The following HNRNPM variants were observed in gnomAD, a reference collection of about 807,000 sequenced individuals.
HNRNPM encodes the protein CEA receptor.
Under a neutral mutation model 73.1 loss-of-function variants are expected in HNRNPM, and 11 were observed. The observed-to-expected ratio is 0.15, with a 90% CI of 0.09 to 0.25. HNRNPM has a LOEUF of 0.25. Among genes scored for constraint, HNRNPM ranks in the 10% least tolerant of loss-of-function variants. The pLI, the probability that HNRNPM is intolerant of heterozygous loss-of-function variation, is 1.00. For missense variants in HNRNPM, 789 were observed against 1,067.9 expected (o/e 0.74, Z 3.64); for synonymous variants, 407 against 355.2 (o/e 1.15, Z -1.64).
chr19:8,478,930 A>T (rs752375085), intron 12 of HNRNPM, among the ~76,000 whole-genome samples: 5 of 152,136 alleles, frequency 3.3e-5, no homozygotes, highest in Non-Finnish European at 7.4e-5. Context: ...GCACTTGCTG[A>T]TGCCTTTGAC....
intron 7 of HNRNPM, among the ~76,000 whole-genome samples, chr19:8,466,793 A>G (rs1465978919): frequency 1.5e-5 from 2 of 130,938 alleles, no homozygotes; most frequent in African/African-American, 5.6e-5. Flanking sequence ...GCCACTGCAC[A>G]CCACCAGCCT....
intron 7 of HNRNPM, 66 bp from the exon 8 acceptor site, chr19:8,467,469 T>A (rs1969834122): frequency 3.3e-6 from 4 of 1,228,764 alleles, no homozygotes; most frequent in Non-Finnish European, 4.8e-6. Context: ...GTATTTTTCT[T>A]TCTTTTTGTA....
intron 1 of HNRNPM, among the ~76,000 whole-genome samples, chr19:8,446,243 T>A (rs1325345071): frequency 6.6e-6 from 1 of 152,214 alleles, no homozygotes; most frequent in African/African-American, 2.4e-5. Context: ...TAACCGTCAC[T>A]GCTTCATGTC....
At chr19:8,453,369 G>C (rs1968764885) in intron 1 of HNRNPM, among the ~76,000 whole-genome samples, 1 of 152,050 alleles carries the variant, frequency 6.6e-6, no homozygotes, top group Non-Finnish European at 1.5e-5. Context: ...TTGAACTCCT[G>C]ACCTCAAGTG....
chr19:8,473,248 CAAAA>C (rs201076499), intron 10 of HNRNPM, among the ~76,000 whole-genome samples: 4 of 151,042 alleles, frequency 2.6e-5, no homozygotes, highest in South Asian at 2.1e-4. Context: ...GTCTCAAAAA[CAAAA>C]AAAACACAAA....
In HNRNPM at chr19:8,485,994, C is replaced by T. The variant is rs376025950; in HGVS notation, c.1566C>T (p.Ile522=). ...GCGTGGAGCGCATGGGCCCTGCCATCGAGCGCATGGGCCTGAGCATGGAGC... is the reference window on the plus strand; with the variant it reads ...GCGTGGAGCGCATGGGCCCTGCCATTGAGCGCATGGGCCTGAGCATGGAGC... ...GSGVERMGPA[I]ERMGLSMERM... is the part of the protein sequence containing the mutation. The change falls in exon 14 of 16, where the codon ATC becomes ATT. Residue 522 remains isoleucine (I), a synonymous_variant. Transcript: ENST00000325495. 34 of 1,601,780 alleles carry T rather than the reference C, an allele frequency of 2.1e-5. No individual in the cohort carries two copies. The highest frequency in any genetic ancestry group is 2.0e-4 in the African/African-American group (15 of 74,316).
chr19:8,478,589 GTTT>G (rs562193200), intron 12 of HNRNPM, among the ~76,000 whole-genome samples: 1 of 151,998 alleles, frequency 6.6e-6, no homozygotes, highest in Non-Finnish European at 1.5e-5. Context: ...GAGTCAGCTG[GTTT>G]TTTTTAAGCT....
chr19:8,451,525 C>T (rs1479428723), intron 1 of HNRNPM, among the ~76,000 whole-genome samples: 2 of 135,512 alleles, frequency 1.5e-5, no homozygotes, highest in Non-Finnish European at 3.2e-5. Flanking sequence ...TTGAATATGT[C>T]CCTCCCCTTC....
chr19:8,478,955 C>T (rs74601538), intron 12 of HNRNPM, among the ~76,000 whole-genome samples: 6,097 of 152,080 alleles, frequency 0.04, 263 homozygotes, highest in African/African-American at 0.11. Flanking sequence ...GCATCTAGAC[C>T]GACTAGAGAG....
At chr19:8,451,383 C>T (rs571062481) in intron 1 of HNRNPM, among the ~76,000 whole-genome samples, 7 of 152,174 alleles carry the variant, frequency 4.6e-5, no homozygotes, top group South Asian at 2.1e-4. Flanking sequence ...TTTATATGTA[C>T]GTATACATAT....
chr19:8,470,747 C>A (rs1970072081), intron 9 of HNRNPM, among the ~76,000 whole-genome samples: 1 of 152,168 alleles, frequency 6.6e-6, no homozygotes, highest in South Asian at 2.1e-4. Context: ...ATTTCTGTGT[C>A]CCTGTCTGTG....
rs141450445 is a variant in HNRNPM, at chr19:8,475,511, C to G, written c.1120+1267C>G. Reference sequence around the variant, plus strand: ...ATGGTACAAGGACAGACATCATTGTCAGGCTTGAAAGGCGGCTGTCCCTGA... The same window carrying G: ...ATGGTACAAGGACAGACATCATTGTGAGGCTTGAAAGGCGGCTGTCCCTGA... On this transcript the variant is annotated intron_variant, in intron 12 of 15. Transcript: ENST00000325495. Among the ~76,000 whole-genome samples, 868 of 152,280 alleles carry G rather than the reference C, an allele frequency of 5.7e-3. 12 individuals carry two copies. The highest frequency in any genetic ancestry group is 0.02 in the African/African-American group (828 of 41,556).
rs963541993 is a variant in HNRNPM, at chr19:8,479,967, G to A, written c.1121-3191G>A. Among the ~76,000 whole-genome samples, 10 of 148,622 alleles carry A rather than the reference G, an allele frequency of 6.7e-5. No individual in the cohort carries two copies. The South Asian group carries it at 2.1e-3, about 32-fold the overall frequency. ...TTTTTTGTATTTTTGTAGAGATGGG[G>A]TTTCACCATCTTGGCCAGGCTGGTC... On this transcript the variant is annotated intron_variant, in intron 12 of 15. Transcript: ENST00000325495.
In HNRNPM at chr19:8,473,684, G is replaced by A. The variant is rs751687668; in HGVS notation, c.1018G>A (p.Gly340Arg). The change falls in exon 11 of 16, where the codon GGA becomes AGA. Residue 340 changes from glycine to arginine, a missense_variant. This residue lies in a region of HNRNPM where 604 missense variants were observed against 744.0 expected (regional missense o/e 0.81). Transcript: ENST00000325495. ...GPAGMGMEGI[G>R]FGINKMGGME... ...TTAAGGAATGGGAATGGAAGGCATA[G>A]GATTTGGAATAAATAAAATGGGAGG... 4.4e-6 allele frequency: 7 copies of A among 1,576,000 alleles called. No individual in the cohort carries two copies. Among genetic ancestry groups the A allele is most frequent in the African/African-American group, 1.4e-5 (1 of 74,036 alleles).
rs575620059 is a variant in HNRNPM, at chr19:8,480,204, C to T, written c.1121-2954C>T. Among the ~76,000 whole-genome samples the T allele has an allele frequency of 5.2e-3, 785 of 150,102 alleles. 3 individuals are homozygous for T. Among genetic ancestry groups the T allele is most frequent in the Non-Finnish European group, 9.5e-3 (636 of 67,300 alleles). On this transcript the variant is annotated intron_variant, in intron 12 of 15. Coordinates refer to ENST00000325495, the MANE Select transcript of HNRNPM (RefSeq NM_005968.5). ...CAGCCTGGCCAATGTGGTGAAACCC[C>T]GTCTCTACTAAAAATACAAAAATTA... is the stretch of plus-strand genomic sequence containing the variant.
intron 1 of HNRNPM, among the ~76,000 whole-genome samples, chr19:8,450,331 T>C (rs1968516967): frequency 6.6e-6 from 1 of 152,230 alleles, no homozygotes; most frequent in Non-Finnish European, 1.5e-5. Context: ...GCATGGGAAC[T>C]GCATGGAGAC....
intron 1 of HNRNPM, among the ~76,000 whole-genome samples, chr19:8,453,997 C>T (rs1186027351): frequency 1.3e-5 from 2 of 152,196 alleles, no homozygotes; most frequent in African/African-American, 2.4e-5. Context: ...TGTCTTCCAC[C>T]TCCCAGGGTT....
chr19:8,445,302 C>T (rs1228463166), intron 1 of HNRNPM, 191 bp downstream of exon 1: 3 of 455,630 alleles, frequency 6.6e-6, no homozygotes, highest in African/African-American at 2.0e-5. Context: ...CAGAATCGTC[C>T]CCTACACCGG....
intron 1 of HNRNPM, among the ~76,000 whole-genome samples, chr19:8,448,712 T>C (rs1968398177): frequency 6.6e-6 from 1 of 151,970 alleles, no homozygotes; most frequent in African/African-American, 2.4e-5. Flanking sequence ...CTCGATCTCC[T>C]GACGTCGTTA....
Sources: gnomAD v4.1 joint callset for allele counts (sites outside exome capture counted in the v4.1 genomes callset) on GRCh38, gnomAD v4.1.1 for gene constraint, gnomAD v4.1.1 regional missense constraint, MANE v1.5 for transcripts, NCBI Gene and HGNC (gene_info 2026-07-23, HGNC 2026-07-21) for gene names.